The following KCNIP4 variants were observed in gnomAD, a reference collection of about 807,000 sequenced individuals.
The protein encoded by KCNIP4 is potassium voltage-gated channel interacting protein 4, also known as Kv channel-interacting protein 4.
Under a neutral mutation model 34.0 loss-of-function variants are expected in KCNIP4, and 12 were observed. The observed-to-expected ratio is 0.35, with a 90% CI of 0.23 to 0.57. The LOEUF is 0.57. Among genes scored for constraint, KCNIP4 ranks in the 20% least tolerant of loss-of-function variants. The pLI, the probability that KCNIP4 is intolerant of heterozygous loss-of-function variation, is 0.83. For missense variants in KCNIP4, 238 were observed against 311.7 expected (o/e 0.76, Z 1.78); for synonymous variants, 124 against 102.2 (o/e 1.21, Z -1.29).
At chr4:21,878,159 T>G (rs886153473) in intron 1 of KCNIP4, among the ~76,000 whole-genome samples, 3 of 152,192 alleles carry the variant, frequency 2.0e-5, no homozygotes, top group African/African-American at 4.8e-5. Context: ...GACTGTAGCC[T>G]CCACCTTTCA....
intron 1 of KCNIP4, among the ~76,000 whole-genome samples, chr4:21,015,796 T>C (rs938967345): frequency 7.3e-6 from 1 of 136,360 alleles, no homozygotes; most frequent in South Asian, 2.2e-4. Context: ...TAAATATATA[T>C]AAATATATAC....
chr4:21,211,490 C>T (rs1315276978), intron 1 of KCNIP4, among the ~76,000 whole-genome samples: 2 of 152,026 alleles, frequency 1.3e-5, no homozygotes, highest in Non-Finnish European at 2.9e-5. Context: ...GTTGCATGCT[C>T]CTTATGAGAA....
chr4:21,611,571 C>T (rs1262301731), intron 1 of KCNIP4, among the ~76,000 whole-genome samples: 1 of 152,152 alleles, frequency 6.6e-6, no homozygotes, highest in South Asian at 2.1e-4. Flanking sequence ...GGTTTGTTAA[C>T]ATTGATGAAG....
At chr4:21,713,688 A>G (rs995235903) in intron 1 of KCNIP4, among the ~76,000 whole-genome samples, 2 of 152,196 alleles carry the variant, frequency 1.3e-5, no homozygotes, top group Admixed American at 6.5e-5. Flanking sequence ...GCTATTGAAC[A>G]TTAGAATGTA....
intron 1 of KCNIP4, among the ~76,000 whole-genome samples, chr4:21,301,661 A>C (rs1056197916): frequency 1.3e-5 from 2 of 152,172 alleles, no homozygotes; most frequent in African/African-American, 2.4e-5. Context: ...GAAGAAAACT[A>C]TGAAGATGCT....
At chr4:21,768,104 C>T (rs993453137) in intron 1 of KCNIP4, among the ~76,000 whole-genome samples, 9 of 151,922 alleles carry the variant, frequency 5.9e-5, no homozygotes, top group South Asian at 2.1e-4. Context: ...GCCGATAAAC[C>T]GCCAAGCAAG....
chr4:20,750,499 G>T (rs1332489961), intron 4 of KCNIP4, among the ~76,000 whole-genome samples: 1 of 152,144 alleles, frequency 6.6e-6, no homozygotes, highest in African/African-American at 2.4e-5. Flanking sequence ...GGTAATGATG[G>T]ACAGGTATGT....
At chr4:21,495,231 C>A (rs996851166) in intron 1 of KCNIP4, among the ~76,000 whole-genome samples, 40 of 150,024 alleles carry the variant, frequency 2.7e-4, no homozygotes, top group African/African-American at 9.6e-4. Context: ...AGAGGAACTG[C>A]AGGAGGAAAG....
rs556526891 is a variant in KCNIP4, at chr4:21,664,843, T to C, written c.61+283728A>G. Among the ~76,000 whole-genome samples, 4 of 152,328 alleles carry C rather than the reference T, an allele frequency of 2.6e-5. No individual in the cohort carries two copies. The East Asian group carries it at 7.7e-4, about 29-fold the overall frequency. On this transcript the variant is annotated intron_variant, in intron 1 of 8. Coordinates refer to ENST00000382152, the MANE Select transcript of KCNIP4 (RefSeq NM_025221.6). The stretch of plus-strand genomic sequence containing the variant: ...TTGTGCATTGCACAACTTTATGGCA[T>C]TGTTTTTGCATTAAATGTTTTCCAT...
chr4:21,704,806 C>T (rs533899445), intron 1 of KCNIP4, among the ~76,000 whole-genome samples: 24 of 152,076 alleles, frequency 1.6e-4, no homozygotes, highest in Non-Finnish European at 1.3e-4. Flanking sequence ...AACAGTCTGG[C>T]GGTGTCTTAA....
At chr4:20,825,225 G>GTTTTTTTTTTTTTTT (rs71181592) in intron 3 of KCNIP4, among the ~76,000 whole-genome samples, 2 of 113,618 alleles carry the variant, frequency 1.8e-5, no homozygotes, top group East Asian at 2.8e-4. Flanking sequence ...TCAATTTTAC[G>GTTTTTTTTTTTTTTT]TTTTTTTTTT....
chr4:21,502,635 C>T (rs962227133), intron 1 of KCNIP4, among the ~76,000 whole-genome samples: 15 of 152,114 alleles, frequency 9.9e-5, no homozygotes, highest in African/African-American at 3.4e-4. Context: ...TATCTTTATC[C>T]GAAATGTTGT....
intron 1 of KCNIP4, among the ~76,000 whole-genome samples, chr4:21,298,866 A>G (rs1445655347): frequency 1.3e-5 from 2 of 152,134 alleles, no homozygotes; most frequent in Non-Finnish European, 2.9e-5. Context: ...GAAAACCATT[A>G]ATGGATGCCT....
intron 1 of KCNIP4, among the ~76,000 whole-genome samples, chr4:21,384,712 T>G (rs1318093099): frequency 6.6e-6 from 1 of 152,220 alleles, no homozygotes; most frequent in Non-Finnish European, 1.5e-5. Flanking sequence ...GGTATTGTCA[T>G]TTGATTCTGA....
intron 1 of KCNIP4, among the ~76,000 whole-genome samples, chr4:21,811,928 G>A (rs1186326315): frequency 6.6e-6 from 1 of 152,168 alleles, no homozygotes; most frequent in Non-Finnish European, 1.5e-5. Flanking sequence ...AGGTTGCCTT[G>A]AAATTCTAAA....
At chr4:21,075,904 GT>G (rs1160081173) in intron 1 of KCNIP4, among the ~76,000 whole-genome samples, 2 of 152,128 alleles carry the variant, frequency 1.3e-5, no homozygotes, top group Non-Finnish European at 2.9e-5. Flanking sequence ...ACGAAGCTTA[GT>G]TTGGCTGGAT....
chr4:21,599,619 C>T (rs2109116032), intron 1 of KCNIP4, among the ~76,000 whole-genome samples: 1 of 152,144 alleles, frequency 6.6e-6, no homozygotes, highest in Middle Eastern at 3.4e-3. Context: ...ATTCAAGTGA[C>T]AGTGCTGTCC....
At chr4:20,984,808 G>A (rs1365536333) in intron 1 of KCNIP4, among the ~76,000 whole-genome samples, 1 of 152,124 alleles carries the variant, frequency 6.6e-6, no homozygotes, top group Non-Finnish European at 1.5e-5. Context: ...TTTAAAGTCT[G>A]GCCTCAGCCT....
rs911718527 is a variant in KCNIP4, at chr4:21,368,416, C to G, written c.62-485707G>C. On this transcript the variant is annotated intron_variant, in intron 1 of 8. Transcript: ENST00000382152. ...TATGTAAGGGAGACATACACTCCCC[C>G]CAAAATAGCTAAAATGTATGGAACA... Among the ~76,000 whole-genome samples, 8 of 147,168 alleles carry G rather than the reference C, an allele frequency of 5.4e-5. 1 individual carries two copies. The highest frequency in any genetic ancestry group is 1.9e-4 in the African/African-American group (7 of 36,834).
Sources: gnomAD v4.1 joint callset for allele counts (sites outside exome capture counted in the v4.1 genomes callset) on GRCh38, gnomAD v4.1.1 for gene constraint, MANE v1.5 for transcripts, NCBI Gene and HGNC (gene_info 2026-07-23, HGNC 2026-07-21) for gene names.